AGO4: variants seen among roughly 807,000 people sequenced by gnomAD.
AGO4 encodes the protein protein argonaute-4.
AGO4 carries 33 observed loss-of-function variants against 104.7 expected under a neutral mutation model. That is an observed-to-expected ratio of 0.32 (90% confidence interval 0.24 to 0.42). The LOEUF (loss-of-function observed/expected upper bound fraction) is 0.42. Ranked by LOEUF, AGO4 falls within the 10% of genes least tolerant of loss-of-function variation. AGO4 has a pLI of 1.00. For missense variants in AGO4, 711 were observed against 1,083.4 expected, an observed-to-expected ratio of 0.66 and a Z score of 4.83; for synonymous variants, 331 against 364.7, an observed-to-expected ratio of 0.91 and a Z score of 1.05.
Position 35,825,660 on chromosome 1 carries a change from C to G in AGO4, c.489-19C>G, listed in dbSNP as rs1192707676. ...TTTCACATGTTTAATGTGACACATG[C>G]AAACTCTTATTTCTTCAGGTACACC... On this transcript the variant is annotated intron_variant, in intron 4 of 17. Coordinates refer to ENST00000373210, the MANE Select transcript of AGO4 (RefSeq NM_017629.4). 6.5e-7 allele frequency: 1 copy of G among 1,531,758 alleles called. No individual in the cohort carries two copies. Among genetic ancestry groups the G allele is most frequent in the East Asian group, 2.3e-5 (1 of 44,244 alleles). The allele number at this position is 1,531,758 out of a possible 1,614,324, so 94.9% of individuals were successfully genotyped here.
rs1306100208 is a variant in AGO4, at chr1:35,825,425, A to G, written c.419A>G (p.His140Arg). ...TTGCTTTTAGAAGCTTTGGCTGGGC[A>G]CTTGAATGAAGTCCCAGATGACTCA... Reference protein sequence around the residue: ...LQLLLEALAGHLNEVPDDSVQ... With the variant: ...LQLLLEALAGRLNEVPDDSVQ... The change falls in exon 4 of 18, where the codon CAC (histidine) becomes CGC (arginine). Residue 140 changes from histidine to arginine, a missense_variant. By Grantham distance (29) the His-to-Arg change is conservative (BLOSUM62 0). Around this residue, in one of 3 missense-constraint regions of AGO4, gnomAD observed 308 missense variants for 397.8 expected, o/e 0.77. Transcript: ENST00000373210. 11 of 1,614,228 alleles carry G rather than the reference A, an allele frequency of 6.8e-6. No individual in the cohort carries two copies. The highest frequency in any genetic ancestry group is 1.6e-4 in the Middle Eastern group (1 of 6,062).
intron 12 of AGO4, among the ~76,000 whole-genome samples, chr1:35,834,532 A>G (rs1474095252): frequency 6.6e-6 from 1 of 152,240 alleles, no homozygotes; most frequent in Non-Finnish European, 1.5e-5. Context: ...TGATACTACC[A>G]TAGGCCTGGA....
In AGO4 at chr1:35,856,827, A is replaced by G. The variant is rs1426308626; in HGVS notation, c.*3222A>G. On this transcript the variant is annotated 3_prime_UTR_variant, in exon 18 of 18. Coordinates refer to ENST00000373210, the MANE Select transcript of AGO4 (RefSeq NM_017629.4). ...AGAGCGAAACTCTGTCTCAAAAAAA[A>G]AAAGGGGGGGGGGGGACATTAAGAG... is the stretch of plus-strand genomic sequence containing the variant. The G allele has an allele frequency of 4.4e-5, 1 of 22,762 alleles. No individual in the cohort carries two copies. Among genetic ancestry groups the G allele is most frequent in the East Asian group, 1.5e-3 (1 of 654 alleles). The allele number at this position is 22,762 out of a possible 1,614,324, so 1.4% of individuals were successfully genotyped here. A position where few individuals can be genotyped will look rare whatever the true frequency, so the allele number is the denominator to read the frequency against.
intron 12 of AGO4, among the ~76,000 whole-genome samples, chr1:35,834,887 G>C (rs991439572): frequency 1.3e-5 from 2 of 152,034 alleles, no homozygotes; most frequent in Non-Finnish European, 2.9e-5. Flanking sequence ...ATAGAGATAG[G>C]GTTTTGCCGT....
At chr1:35,825,257 C>T in intron 3 of AGO4, 56 bp from the exon 4 acceptor site, 1 of 1,564,930 alleles carries the variant, frequency 6.4e-7, no homozygotes, top group South Asian at 1.1e-5. Flanking sequence ...TTCTTGGGAT[C>T]TTTCCCACAG....
Position 35,854,363 on chromosome 1 carries a change from C to T in AGO4, c.*758C>T, listed in dbSNP as rs543878427. 5 of 152,518 alleles carry T rather than the reference C, an allele frequency of 3.3e-5. No homozygotes were observed. The allele number at this position is 152,518 out of a possible 1,614,324, so 9.4% of individuals were successfully genotyped here. On this transcript the variant is annotated 3_prime_UTR_variant, in exon 18 of 18. Transcript: ENST00000373210. Reference sequence around the variant, plus strand: ...GCCATGATAAAAGTACTCATGTTTCCCCTATTTGGAAAAAAAAATTGCTTT... The same window carrying T: ...GCCATGATAAAAGTACTCATGTTTCTCCTATTTGGAAAAAAAAATTGCTTT...
At chr1:35,831,182 T>G (rs2148667325) in intron 7 of AGO4, among the ~76,000 whole-genome samples, 1 of 151,858 alleles carries the variant, frequency 6.6e-6, no homozygotes, top group Middle Eastern at 3.4e-3. Flanking sequence ...ACCAACGTGG[T>G]GAAACCCTGT....
At chr1:35,809,144 G>A (rs1643414908) in intron 1 of AGO4, among the ~76,000 whole-genome samples, 1 of 152,180 alleles carries the variant, frequency 6.6e-6, no homozygotes, top group Non-Finnish European at 1.5e-5. Context: ...TGGGTTATGA[G>A]TGGTTGTGAG....
chr1:35,842,914 T>A (rs549103291), intron 15 of AGO4, among the ~76,000 whole-genome samples: 34 of 152,352 alleles, frequency 2.2e-4, no homozygotes, highest in Non-Finnish European at 4.3e-4. Context: ...TATTTTTTAA[T>A]GACTTTACTT....
chr1:35,850,322 G>C, intron 16 of AGO4, 64 bp downstream of exon 16: 1 of 1,207,872 alleles, frequency 8.3e-7, no homozygotes, highest in Non-Finnish European at 1.2e-6. Context: ...TCAGCAACTA[G>C]CTTGAGTCGA....
chr1:35,851,389 G>A (rs1001815579), intron 17 of AGO4, among the ~76,000 whole-genome samples: 4 of 152,192 alleles, frequency 2.6e-5, no homozygotes, highest in Admixed American at 6.5e-5. Flanking sequence ...AGTAGTCACA[G>A]GGCTGTGGAT....
At position 35,816,884 on chromosome 1, in the gene AGO4, C is replaced by A. The variant is rs1318099386; in HGVS notation, c.22C>A (p.Pro8Thr). 10 of 1,609,716 alleles carry A rather than the reference C, an allele frequency of 6.2e-6. No homozygotes were observed. The highest frequency in any genetic ancestry group is 1.3e-5 in the African/African-American group (1 of 74,486). MEALGPG[P>T]PASLFQPPRR... ...CAAATGTCTTTCAATCTCTTTAGGA[C>A]CTCCGGCTAGCCTGTTTCAGCCACC... Residue 8 changes from proline to threonine, a missense_variant and splice_region_variant, in exon 2 of 18, where the codon CCT (proline) becomes ACT (threonine). Transcript: ENST00000373210.
Position 35,825,871 on chromosome 1 carries a change from T to C in AGO4, c.626-55T>C, listed in dbSNP as rs910414480. On this transcript the variant is annotated intron_variant, in intron 5 of 17. Transcript: ENST00000373210. ...CTTTGGGCTGGTTTTTGTTTGTTTG[T>C]TTGTTTTGGCCCTTCCCTTTTCCCT... 15 of 1,599,042 alleles carry C rather than the reference T, an allele frequency of 9.4e-6. No homozygotes were observed. In the South Asian group the frequency reaches 1.7e-4, roughly 18 times the overall value.
intron 13 of AGO4, among the ~76,000 whole-genome samples, chr1:35,837,874 T>A (rs986947022): frequency 6.6e-6 from 1 of 151,882 alleles, no homozygotes; most frequent in African/African-American, 2.4e-5. Context: ...CTCTCCTAAA[T>A]TGTGGGTTTT....
At chr1:35,827,375 G>A (rs1441354891) in intron 7 of AGO4, among the ~76,000 whole-genome samples, 1 of 152,020 alleles carries the variant, frequency 6.6e-6, no homozygotes, top group Non-Finnish European at 1.5e-5. Context: ...ACAAAAATTA[G>A]CCAGGCTTAG....
chr1:35,853,197 G>A (rs1371092459), intron 17 of AGO4, among the ~76,000 whole-genome samples: 8 of 148,210 alleles, frequency 5.4e-5, no homozygotes, highest in African/African-American at 2.0e-4. Flanking sequence ...CTTGCAGTGA[G>A]CCGAGATTGC....
In AGO4 at chr1:35,826,761, G is replaced by A; in HGVS notation, c.774G>A (p.Glu258=). The A allele has an allele frequency of 1.9e-6, 3 of 1,614,048 alleles. No homozygotes were observed. Among genetic ancestry groups the A allele is most frequent in the Non-Finnish European group, 2.5e-6 (3 of 1,179,988 alleles). ...AAAAAATTTCAGGTCTCAAAGTTGA[G>A]GTGACCCACTGTGGACAGATGAAAC... ...FTKEIRGLKV[E]VTHCGQMKRK... is the part of the protein sequence containing the mutation. The change falls in exon 7 of 18, where the codon GAG becomes GAA. Residue 258 remains glutamate, a synonymous_variant. Coordinates refer to ENST00000373210, the MANE Select transcript of AGO4 (RefSeq NM_017629.4).
chr1:35,829,036 C>A lies in AGO4; in HGVS notation c.848+2201C>A, dbSNP rs558949545. ...GTTACTCAGAGCCCCCCCCCCCACA[C>A]ACACACCTTTTTTTGCTTATATTCT... On this transcript the variant is annotated intron_variant, in intron 7 of 17. Transcript: ENST00000373210. Among the ~76,000 whole-genome samples the A allele has an allele frequency of 5.9e-3, 887 of 150,330 alleles. 2 individuals carry two copies. The highest frequency in any genetic ancestry group is 9.5e-3 in the Non-Finnish European group (637 of 67,314).
Position 35,841,770 on chromosome 1 carries a change from G to A in AGO4, c.2175+20G>A, listed in dbSNP as rs1644448908. On this transcript the variant is annotated intron_variant, in intron 15 of 17. Transcript: ENST00000373210. This position sits in a 1 kb window ranked among gnomAD's most constrained non-coding sequence, Gnocchi z 4.7. The stretch of plus-strand genomic sequence containing the variant: ...GAAAGGGTAAGAAGATATAATATAA[G>A]CTTTGTTATCTGAGGCTCTGGCAAG... 6.2e-7 allele frequency: 1 copy of A among 1,602,430 alleles called. No homozygotes were observed. The highest frequency in any genetic ancestry group is 8.5e-7 in the Non-Finnish European group (1 of 1,173,650).
Sources: allele counts gnomAD v4.1 joint callset (sites outside exome capture counted in the v4.1 genomes callset), GRCh38; gene constraint gnomAD v4.1.1; regional missense constraint gnomAD v4.1.1; non-coding constraint Gnocchi (gnomAD v3.1); transcripts MANE v1.5; gene names NCBI Gene and HGNC (gene_info 2026-07-23, HGNC 2026-07-21).